The following PATJ variants were observed in gnomAD, a reference collection of about 807,000 sequenced individuals.
PATJ encodes inaD-like protein.
In PATJ, 190 loss-of-function variants were observed where a neutral mutation model predicts 224.9. The ratio of observed to expected loss-of-function variants is 0.84; its 90% confidence interval spans 0.75 to 0.95. The LOEUF (loss-of-function observed/expected upper bound fraction) is 0.95. Ranked by LOEUF, PATJ falls within the 40% of genes least tolerant of loss-of-function variation. The probability of loss-of-function intolerance (pLI) is 0.00; values close to 1 mark genes in which losing one functional copy is unlikely to be tolerated. For synonymous variants in PATJ, 769 were observed against 820.3 expected, an observed-to-expected ratio of 0.94 and a Z score of 1.07; for missense variants, 2,121 against 2,270.3, an observed-to-expected ratio of 0.93 and a Z score of 1.34.
rs910469963 is a variant in PATJ at position 61,960,399 on chromosome 1, C to T, written c.3671-29769C>T. ...TTATCTGGCCAGGTGCAGTGGTTCACGCCTGTAATCCCAGCACTTTGGGAG... is the reference window on the plus strand; with the variant it reads ...TTATCTGGCCAGGTGCAGTGGTTCATGCCTGTAATCCCAGCACTTTGGGAG... On this transcript the variant is annotated intron_variant, in intron 27 of 43. Transcript: ENST00000642238. Among the ~76,000 whole-genome samples, 9 of 152,282 alleles carry T rather than the reference C, an allele frequency of 5.9e-5. No individual in the cohort carries two copies. In the East Asian group the frequency reaches 1.4e-3, roughly 23 times the overall value.
intron 27 of PATJ, among the ~76,000 whole-genome samples, chr1:61,939,660 A>G: frequency 6.8e-6 from 1 of 146,020 alleles, no homozygotes. Context: ...CAGCATGTAT[A>G]AAAAGTTTCT....
intron 27 of PATJ, among the ~76,000 whole-genome samples, chr1:61,983,043 C>T (rs184832508): frequency 9.9e-5 from 15 of 151,960 alleles, no homozygotes; most frequent in Non-Finnish European, 2.2e-4. Context: ...ATTTCTTTAT[C>T]AAATGGAGTC....
chr1:61,963,673 T>G (rs1681653038), intron 27 of PATJ, among the ~76,000 whole-genome samples: 1 of 152,032 alleles, frequency 6.6e-6, no homozygotes, highest in Non-Finnish European at 1.5e-5. Context: ...ATCATAAAGG[T>G]CTTCATCCTC....
At chr1:62,035,359 G>T (rs1457777805) in intron 29 of PATJ, among the ~76,000 whole-genome samples, 3 of 152,176 alleles carry the variant, frequency 2.0e-5, no homozygotes, top group African/African-American at 7.2e-5. Context: ...AAAAAGCATA[G>T]AGCTTGAAAT....
intron 21 of PATJ, 161 bp downstream of exon 21, chr1:61,875,527 A>G (rs1667230322): frequency 1.9e-6 from 1 of 529,420 alleles, no homozygotes; most frequent in Non-Finnish European, 3.3e-6. Flanking sequence ...ACCTGAAAGA[A>G]TAAACATGCC....
intron 28 of PATJ, among the ~76,000 whole-genome samples, chr1:61,997,805 GT>G (rs1164009196): frequency 9.0e-6 from 1 of 111,268 alleles, no homozygotes; most frequent in East Asian, 2.6e-4. Flanking sequence ...GTTTTGTTTT[GT>G]TTTGTTTTGT....
chr1:61,870,138 G>GA (rs945221640), intron 20 of PATJ, among the ~76,000 whole-genome samples: 2 of 152,176 alleles, frequency 1.3e-5, no homozygotes, highest in Non-Finnish European at 2.9e-5. Context: ...TGGTATCCAG[G>GA]AAAAATGAGG....
chr1:62,017,537 C>G (rs1000060513), intron 28 of PATJ, among the ~76,000 whole-genome samples: 1 of 151,634 alleles, frequency 6.6e-6, no homozygotes, highest in African/African-American at 2.4e-5. Flanking sequence ...CAACCCCAAC[C>G]TAGCCAATAT....
intron 41 of PATJ, among the ~76,000 whole-genome samples, chr1:62,137,759 T>A (rs1667100922): frequency 6.6e-6 from 1 of 151,928 alleles, no homozygotes. Flanking sequence ...CGTCTCTAAC[T>A]GTTCCGTAGG....
chr1:62,000,756 C>A (rs369900605), intron 28 of PATJ, among the ~76,000 whole-genome samples: 1 of 150,870 alleles, frequency 6.6e-6, no homozygotes, highest in Non-Finnish European at 1.5e-5. Flanking sequence ...AGTTCTAGAT[C>A]CCTGAGGGAT....
chr1:62,107,074 A>C (rs1663157964), intron 33 of PATJ, among the ~76,000 whole-genome samples: 1 of 151,884 alleles, frequency 6.6e-6, no homozygotes, highest in East Asian at 1.9e-4. Flanking sequence ...CTGGGAGGTG[A>C]GGCGGGCGGA....
chr1:61,933,409 G>A (rs371159579), intron 27 of PATJ, among the ~76,000 whole-genome samples: 71 of 151,774 alleles, frequency 4.7e-4, no homozygotes, highest in African/African-American at 1.5e-3. Context: ...GCGTAGTGGC[G>A]GGCTCCTTGT....
At chr1:62,079,378 C>A in intron 31 of PATJ, 72 bp from the exon 32 acceptor site, 1 of 876,320 alleles carries the variant, frequency 1.1e-6, no homozygotes, top group Non-Finnish European at 1.9e-6. Context: ...GGTAACAATA[C>A]ACCAGTTTTA....
intron 23 of PATJ, among the ~76,000 whole-genome samples, chr1:61,901,062 GTTC>G (rs1239826866): frequency 1.9e-4 from 29 of 152,124 alleles, no homozygotes; most frequent in Non-Finnish European, 2.9e-4. Flanking sequence ...TATATTTATT[GTTC>G]TAGAAATCTA....
intron 14 of PATJ, among the ~76,000 whole-genome samples, chr1:61,809,885 G>A (rs1432072951): frequency 1.4e-5 from 2 of 141,504 alleles, no homozygotes; most frequent in East Asian, 2.0e-4. Flanking sequence ...TTGCTCTGTC[G>A]CCCAGGCTGG....
At chr1:62,024,657 A>C (rs1173042245) in intron 29 of PATJ, among the ~76,000 whole-genome samples, 1 of 107,648 alleles carries the variant, frequency 9.3e-6, no homozygotes, top group Non-Finnish European at 1.9e-5. Context: ...CCCACCTCCC[A>C]ACACACACAC....
intron 31 of PATJ, among the ~76,000 whole-genome samples, chr1:62,069,001 C>G (rs1656957512): frequency 6.6e-6 from 1 of 152,034 alleles, no homozygotes; most frequent in Non-Finnish European, 1.5e-5. Context: ...GGGCAATTAG[C>G]AAATTATAAA....
chr1:61,812,433 A>AGAGAGAGAGTGTGTGGGTGTGTGTGT (rs1397549346), intron 14 of PATJ, among the ~76,000 whole-genome samples: 1 of 85,150 alleles, frequency 1.2e-5, no homozygotes, highest in Admixed American at 1.2e-4. Flanking sequence ...AGAGAGAGAG[A>AGAGAGAGAGTGTGTGGGTGTGTGTGT]GTGTGTGTGT....
At chr1:62,118,066 C>A (rs1252272954) in intron 37 of PATJ, among the ~76,000 whole-genome samples, 1 of 152,190 alleles carries the variant, frequency 6.6e-6, no homozygotes, top group Non-Finnish European at 1.5e-5. Context: ...CCTCCTGTTC[C>A]TCACTGGTGT....
Sources: gnomAD v4.1 joint callset for allele counts (sites outside exome capture counted in the v4.1 genomes callset) on GRCh38, gnomAD v4.1.1 for gene constraint, MANE v1.5 for transcripts, NCBI Gene and HGNC (gene_info 2026-07-23, HGNC 2026-07-21) for gene names.